KCNMA1: variants seen among roughly 807,000 people sequenced by gnomAD.
KCNMA1 encodes potassium calcium-activated channel subfamily M alpha 1.
A neutral mutation model predicts 140.0 loss-of-function variants in KCNMA1; 29 were observed. The observed-to-expected ratio is 0.21, with a 90% CI of 0.15 to 0.28. The LOEUF (loss-of-function observed/expected upper bound fraction) is 0.28, where lower values mean the gene tolerates loss of function less well. Ranked by LOEUF, KCNMA1 falls within the 10% of genes least tolerant of loss-of-function variation. The pLI is 1.00. For missense variants in KCNMA1, 880 were observed against 1,602.2 expected (o/e 0.55, Z 7.70); for synonymous variants, 612 against 611.9 (o/e 1.00, Z 0.00).
chr10:77,358,658 C>T (rs1431420503), intron 2 of KCNMA1, among the ~76,000 whole-genome samples: 1 of 152,194 alleles, frequency 6.6e-6, no homozygotes, highest in Non-Finnish European at 1.5e-5. Flanking sequence ...CCCCTGCCCT[C>T]AACACAGACT....
chr10:77,282,737 C>CAGGTGGCTGATAAGAAACAT (rs1484481777), intron 2 of KCNMA1, among the ~76,000 whole-genome samples: 2 of 152,170 alleles, frequency 1.3e-5, no homozygotes, highest in Admixed American at 1.3e-4. Context: ...ATAAGAAACA[C>CAGGTGGCTGATAAGAAACAT]AGGTGGCTGG....
chr10:77,533,213 C>T (rs911097820), intron 1 of KCNMA1, among the ~76,000 whole-genome samples: 17 of 151,968 alleles, frequency 1.1e-4, no homozygotes, highest in African/African-American at 4.1e-4. Flanking sequence ...GTTGAGACAC[C>T]CCAACAAGGT....
At chr10:77,022,139 C>T (rs577499263) in intron 16 of KCNMA1, among the ~76,000 whole-genome samples, 10 of 152,288 alleles carry the variant, frequency 6.6e-5, no homozygotes, top group African/African-American at 2.4e-4. Flanking sequence ...GATCTCTGAT[C>T]TCTTTAGGAG....
At chr10:76,910,832 T>C (rs376572911) in intron 24 of KCNMA1, 3 of 154,888 alleles carry the variant, frequency 1.9e-5, no homozygotes, top group African/African-American at 7.2e-5. Context: ...TTCAAGCAGA[T>C]GCAGCATTGG....
At chr10:77,060,243 A>G (rs375708927) in intron 14 of KCNMA1, among the ~76,000 whole-genome samples, 1 of 152,230 alleles carries the variant, frequency 6.6e-6, no homozygotes, top group Non-Finnish European at 1.5e-5. Context: ...CAAGGACACT[A>G]GAATAGCCAA....
intron 15 of KCNMA1, among the ~76,000 whole-genome samples, chr10:77,038,901 G>A (rs12766265): frequency 0.023 from 3,437 of 152,206 alleles, 61 homozygotes; most frequent in South Asian, 0.054. Flanking sequence ...ATCCCCCATA[G>A]GTGACCATCT....
chr10:77,444,706 T>G (rs1246609717), intron 1 of KCNMA1, among the ~76,000 whole-genome samples: 19 of 152,024 alleles, frequency 1.2e-4, no homozygotes, highest in Admixed American at 1.2e-3. Flanking sequence ...CCTGGGAACT[T>G]CCCCGGCATT....
chr10:76,974,244 TA>T (rs1195128001), intron 19 of KCNMA1: 1 of 477,816 alleles, frequency 2.1e-6, no homozygotes, highest in Non-Finnish European at 3.7e-6. Context: ...GGCATCTAGC[TA>T]ACAGGGCTTC....
intron 6 of KCNMA1, among the ~76,000 whole-genome samples, chr10:77,115,633 C>T (rs1202901941): frequency 6.6e-6 from 1 of 152,166 alleles, no homozygotes; most frequent in Non-Finnish European, 1.5e-5. Context: ...TATTTAGAGT[C>T]TGAGTCTCCT....
intron 23 of KCNMA1, 46 bp from the exon 24 acceptor site, chr10:76,915,095 A>G: frequency 7.1e-7 from 1 of 1,408,716 alleles, no homozygotes; most frequent in Admixed American, 1.7e-5. Flanking sequence ...GAGAAGTAGA[A>G]AATTTGGAAA....
chr10:77,105,887 A>G (rs1235577266), intron 9 of KCNMA1, among the ~76,000 whole-genome samples: 1 of 152,204 alleles, frequency 6.6e-6, no homozygotes, highest in Non-Finnish European at 1.5e-5. Context: ...CCATATCCCA[A>G]GCGAAAGAAA....
chr10:77,040,393 T>C (rs978037706), intron 14 of KCNMA1, among the ~76,000 whole-genome samples: 2 of 152,166 alleles, frequency 1.3e-5, no homozygotes, highest in African/African-American at 4.8e-5. Context: ...ACATCCTTTC[T>C]ATTCATGAAA....
chr10:77,147,080 A>G (rs2098316494), intron 5 of KCNMA1, among the ~76,000 whole-genome samples: 2 of 152,166 alleles, frequency 1.3e-5, no homozygotes, highest in Admixed American at 1.3e-4. Flanking sequence ...ATAAAACCTA[A>G]CTCGACTTGC....
intron 1 of KCNMA1, among the ~76,000 whole-genome samples, chr10:77,413,856 G>A (rs1236811419): frequency 2.0e-5 from 3 of 152,188 alleles, no homozygotes; most frequent in Non-Finnish European, 4.4e-5. Context: ...CACAGATTCA[G>A]GCAACAGGAA....
chr10:77,569,818 A>C (rs2070180314), intron 1 of KCNMA1, among the ~76,000 whole-genome samples: 1 of 152,194 alleles, frequency 6.6e-6, no homozygotes, highest in Non-Finnish European at 1.5e-5. Context: ...AATGGGAGAA[A>C]ATTTTCACAA....
intron 25 of KCNMA1, chr10:76,904,696 C>T (rs1245645531): frequency 3.9e-5 from 6 of 152,112 alleles, no homozygotes; most frequent in South Asian, 2.1e-4. Flanking sequence ...CCTTCAATAA[C>T]GATGGTTCAG....
chr10:77,071,851 T>C (rs569178629), intron 14 of KCNMA1, among the ~76,000 whole-genome samples: 2 of 152,326 alleles, frequency 1.3e-5, no homozygotes, highest in South Asian at 4.1e-4. Context: ...GGCTACATAA[T>C]GCCGATTTGG....
In KCNMA1 at chr10:76,889,496, C is replaced by T. The variant is rs1397556923; in HGVS notation, c.3416G>A (p.Arg1139Gln). The change falls in exon 27 of 28, where the codon CGG (arginine) becomes CAG (glutamine). Residue 1139 changes from arginine (R) to glutamine (Q), a missense_variant. Arg to Gln is a conservative substitution (Grantham distance 43). Coordinates refer to ENST00000286628, the MANE Select transcript of KCNMA1 (RefSeq NM_001161352.2). ...GGTGCTGAGGTGAGCATCTCTCAGC[C>T]GGTAAATTCCAAAACAAAGCATATT... Reference protein sequence around the residue: ...TYNMLCFGIYRLRDAHLSTPS... With the variant: ...TYNMLCFGIYQLRDAHLSTPS... 5 of 1,613,874 alleles carry T rather than the reference C, an allele frequency of 3.1e-6. No individual in the cohort carries two copies. Among genetic ancestry groups the T allele is most frequent in the East Asian group, 2.2e-5 (1 of 44,894 alleles).
chr10:76,971,974 G>GTGT (rs1592368861), intron 19 of KCNMA1, among the ~76,000 whole-genome samples: 13 of 148,894 alleles, frequency 8.7e-5, no homozygotes, highest in South Asian at 2.1e-4. Flanking sequence ...AGGGTGTGTG[G>GTGT]GTGTGTGTGT....
Sources: gnomAD v4.1 joint callset for allele counts (sites outside exome capture counted in the v4.1 genomes callset) on GRCh38, gnomAD v4.1.1 for gene constraint, MANE v1.5 for transcripts, NCBI Gene and HGNC (gene_info 2026-07-23, HGNC 2026-07-21) for gene names.